ZNRF2: variants seen among roughly 807,000 people sequenced by gnomAD.
ZNRF2 encodes the protein zinc and ring finger 2, also known as E3 ubiquitin-protein ligase ZNRF2.
A neutral mutation model predicts 20.4 loss-of-function variants in ZNRF2; 16 were observed. The observed-to-expected ratio is 0.79, with a 90% CI of 0.53 to 1.19. The LOEUF (loss-of-function observed/expected upper bound fraction) is 1.19, where lower values mean the gene tolerates loss of function less well. ZNRF2 is among the 50% of genes most tolerant of loss of function. The pLI is 0.00. For synonymous variants in ZNRF2, 178 were observed against 144.9 expected (o/e 1.23, Z -1.64); for missense variants, 363 against 332.4 (o/e 1.09, Z -0.72).
At chr7:30,286,496 A>G (rs1211473035) in intron 1 of ZNRF2, among the ~76,000 whole-genome samples, 3 of 152,222 alleles carry the variant, frequency 2.0e-5, no homozygotes, top group African/African-American at 7.2e-5. Context: ...AAAATTTTGC[A>G]CATCTGTCTT....
At chr7:30,309,238 G>C (rs1799254424) in intron 1 of ZNRF2, among the ~76,000 whole-genome samples, 1 of 152,098 alleles carries the variant, frequency 6.6e-6, no homozygotes, top group Non-Finnish European at 1.5e-5. Flanking sequence ...AACATTCTCT[G>C]AACTCTTCTA....
chr7:30,318,838 G>T (rs1396314755), intron 1 of ZNRF2, among the ~76,000 whole-genome samples: 1 of 152,216 alleles, frequency 6.6e-6, no homozygotes, highest in Non-Finnish European at 1.5e-5. Context: ...GAGGCTGGGT[G>T]TGTTGGCTCA....
chr7:30,304,370 A>G (rs978668093), intron 1 of ZNRF2, among the ~76,000 whole-genome samples: 1 of 152,234 alleles, frequency 6.6e-6, no homozygotes, highest in Non-Finnish European at 1.5e-5. Flanking sequence ...TTCTAGGGAA[A>G]TGCAAACTGA....
chr7:30,364,063 C>T (rs528298498), intron 4 of ZNRF2, among the ~76,000 whole-genome samples: 3 of 152,254 alleles, frequency 2.0e-5, no homozygotes, highest in Non-Finnish European at 2.9e-5. Context: ...CTGTGTGGTA[C>T]CATTTCCTTT....
chr7:30,301,897 G>A (rs1012539539), intron 1 of ZNRF2, among the ~76,000 whole-genome samples: 5 of 152,146 alleles, frequency 3.3e-5, no homozygotes, highest in African/African-American at 1.2e-4. Flanking sequence ...ACGTGGACAG[G>A]AGCATGCTGC....
chr7:30,284,673 C>T lies in ZNRF2; in HGVS notation c.-685C>T, dbSNP rs1279022598. 2.6e-5 allele frequency: 4 copies of T among 156,744 alleles called. No homozygotes were observed. Among genetic ancestry groups the T allele is most frequent in the Admixed American group, 6.5e-5 (1 of 15,284 alleles). 9.7% of individuals were successfully genotyped at this position (156,744 alleles called of 1,614,324 possible). On this transcript the variant is annotated 5_prime_UTR_variant, in exon 1 of 5. Transcript: ENST00000323037. The stretch of plus-strand genomic sequence containing the variant: ...GCGCGGGGCCGGGGAACCTCCTCCC[C>T]ATCTGCGCACCCCCCGCCTTCGCGG...
rs151322308 is a variant in ZNRF2, at chr7:30,308,285, A to T, written c.470-15357A>T. ...AAGTTTATCATTTTTCATTCTGTAA[A>T]TACACCAGAATTTTTTCAACCATTC... On this transcript the variant is annotated intron_variant, in intron 1 of 4. Transcript: ENST00000323037. Among the ~76,000 whole-genome samples the T allele has an allele frequency of 1.2e-3, 185 of 152,278 alleles. 1 individual carries two copies. Among genetic ancestry groups the T allele is most frequent in the African/African-American group, 4.3e-3 (177 of 41,560 alleles).
intron 1 of ZNRF2, 138 bp from the exon 2 acceptor site, chr7:30,323,504 C>A: frequency 2.0e-6 from 1 of 495,294 alleles, no homozygotes; most frequent in Non-Finnish European, 3.5e-6. Context: ...ATTTTCCTGA[C>A]TTGAGTTGCA....
chr7:30,285,963 C>G, intron 1 of ZNRF2, 137 bp downstream of exon 1: 1 of 1,319,078 alleles, frequency 7.6e-7, no homozygotes, highest in Non-Finnish European at 9.7e-7. Flanking sequence ...CAGCCCGCGT[C>G]GGTCTCCATC....
At chr7:30,311,009 A>G (rs895643672) in intron 1 of ZNRF2, among the ~76,000 whole-genome samples, 1 of 152,064 alleles carries the variant, frequency 6.6e-6, no homozygotes, top group African/African-American at 2.4e-5. Flanking sequence ...TATAAACTAC[A>G]TGCCTTTTCC....
intron 1 of ZNRF2, among the ~76,000 whole-genome samples, chr7:30,322,470 T>G (rs1251694944): frequency 6.6e-6 from 1 of 152,188 alleles, no homozygotes; most frequent in Non-Finnish European, 1.5e-5. Context: ...TCACAGTGCT[T>G]CTGTTCCTGT....
chr7:30,324,388 G>GA (rs539452151), intron 2 of ZNRF2, among the ~76,000 whole-genome samples: 26 of 143,280 alleles, frequency 1.8e-4, no homozygotes, highest in East Asian at 4.0e-4. Context: ...AAAAAAAAAA[G>GA]AAAAAAAAAA....
At chr7:30,301,937 T>C (rs906165510) in intron 1 of ZNRF2, among the ~76,000 whole-genome samples, 1 of 152,224 alleles carries the variant, frequency 6.6e-6, no homozygotes, top group Non-Finnish European at 1.5e-5. Flanking sequence ...GCTGCTTCAC[T>C]GTTGCCACAG....
intron 1 of ZNRF2, among the ~76,000 whole-genome samples, chr7:30,293,488 A>G (rs556092955): frequency 1.8e-4 from 28 of 152,272 alleles, no homozygotes; most frequent in Non-Finnish European, 3.4e-4. Context: ...GCCTCAAGTG[A>G]TTCGCCCACC....
intron 2 of ZNRF2, among the ~76,000 whole-genome samples, chr7:30,337,016 C>T (rs1314354056): frequency 6.6e-6 from 1 of 152,102 alleles, no homozygotes; most frequent in African/African-American, 2.4e-5. Context: ...CATAGTCTGA[C>T]AAATTTAAAA....
intron 2 of ZNRF2, among the ~76,000 whole-genome samples, chr7:30,335,568 C>T (rs1481786996): frequency 6.6e-6 from 1 of 151,838 alleles, no homozygotes; most frequent in Non-Finnish European, 1.5e-5. Flanking sequence ...TATATATATA[C>T]GTATTCATAT....
chr7:30,285,026 G>A lies in ZNRF2; in HGVS notation c.-332G>A. ...GAGAGCGGTAGCGGCCCGTCGTGGC[G>A]CACCAGAACCGAAACCAGCGGCAGC... On this transcript the variant is annotated 5_prime_UTR_variant, in exon 1 of 5. Coordinates refer to ENST00000323037, the MANE Select transcript of ZNRF2 (RefSeq NM_147128.4). The A allele has an allele frequency of 2.0e-5, 8 of 400,522 alleles. No homozygotes were observed. Among genetic ancestry groups the A allele is most frequent in the South Asian group, 1.3e-4 (8 of 59,260 alleles). The allele number at this position is 400,522 out of a possible 1,614,324, so 24.8% of individuals were successfully genotyped here.
At chr7:30,344,633 T>C (rs1214871748) in intron 2 of ZNRF2, among the ~76,000 whole-genome samples, 1 of 152,234 alleles carries the variant, frequency 6.6e-6, no homozygotes, top group Non-Finnish European at 1.5e-5. Context: ...ATCTAATCAA[T>C]GTTCCCACTT....
chr7:30,352,333 A>G (rs1296721462), intron 2 of ZNRF2, among the ~76,000 whole-genome samples: 2 of 152,016 alleles, frequency 1.3e-5, no homozygotes, highest in South Asian at 2.1e-4. Flanking sequence ...TCAGGTACAT[A>G]TAATTTTTTG....
Sources: allele counts gnomAD v4.1 joint callset (sites outside exome capture counted in the v4.1 genomes callset), GRCh38; gene constraint gnomAD v4.1.1; transcripts MANE v1.5; gene names NCBI Gene and HGNC (gene_info 2026-07-23, HGNC 2026-07-21).